DENND2A: variants seen among roughly 807,000 people sequenced by gnomAD.
DENND2A encodes the protein DENN domain-containing protein 2A.
In DENND2A, 53 loss-of-function variants were observed where a neutral mutation model predicts 105.3. The ratio of observed to expected loss-of-function variants is 0.50; its 90% CI spans 0.40 to 0.63. The LOEUF is 0.63. Ranked by LOEUF, DENND2A falls within the 30% of genes least tolerant of loss-of-function variation. The probability of loss-of-function intolerance (pLI) is 0.00; values close to 1 mark genes in which losing one functional copy is unlikely to be tolerated. For synonymous variants in DENND2A, 522 were observed against 508.4 expected (o/e 1.03, Z -0.36); for missense variants, 1,138 against 1,279.6 (o/e 0.89, Z 1.69).
chr7:140,588,189 A>C (rs1369470396), intron 3 of DENND2A, among the ~76,000 whole-genome samples: 4 of 152,030 alleles, frequency 2.6e-5, no homozygotes. Flanking sequence ...GGGATTATAC[A>C]CTGTGCCCGG....
chr7:140,627,182 A>G (rs1431473000), intron 1 of DENND2A, among the ~76,000 whole-genome samples: 1 of 152,140 alleles, frequency 6.6e-6, no homozygotes, highest in Non-Finnish European at 1.5e-5. Flanking sequence ...GCTCTAACAT[A>G]TTATTGTAAA....
chr7:140,630,140 T>A (rs1240777406), intron 1 of DENND2A, among the ~76,000 whole-genome samples: 1 of 151,598 alleles, frequency 6.6e-6, no homozygotes. Flanking sequence ...AGACAGGGTC[T>A]CACTCTGTCA....
chr7:140,585,765 T>C (rs1239517707), intron 4 of DENND2A, 55 bp from the exon 5 acceptor site: 5 of 1,611,554 alleles, frequency 3.1e-6, no homozygotes, highest in African/African-American at 2.7e-5. Context: ...CATTTCCCTT[T>C]TCAAAACACT....
intron 3 of DENND2A, among the ~76,000 whole-genome samples, chr7:140,600,196 C>T (rs756707210): frequency 3.3e-5 from 5 of 151,246 alleles, no homozygotes; most frequent in Non-Finnish European, 7.4e-5. Context: ...GGTTTGGACA[C>T]GTTAAGTATA....
At chr7:140,519,873 T>C (rs935980872) in intron 18 of DENND2A, among the ~76,000 whole-genome samples, 155 bp from the exon 19 acceptor site, 2 of 152,214 alleles carry the variant, frequency 1.3e-5, no homozygotes, top group African/African-American at 4.8e-5. Context: ...ATAAGGATTT[T>C]ATTGCTCTTA....
In DENND2A at chr7:140,601,611, T is replaced by C. The variant is rs1799500379; in HGVS notation, c.787A>G (p.Ile263Val). The change falls in exon 3 of 20, where the codon ATC becomes GTC. Residue 263 changes from isoleucine to valine, a missense_variant. Coordinates refer to ENST00000496613, the MANE Select transcript of DENND2A (RefSeq NM_015689.5). ...GSEGSPTKPF[I>V]NPLPKPRRTF... ...CTCCGGGGTTTTGGCAGAGGGTTGA[T>C]GAAGGGCTTTGTGGGGGAACCCTCC... is the stretch of plus-strand genomic sequence containing the variant. 1 of 1,613,840 alleles carries C rather than the reference T, an allele frequency of 6.2e-7. No homozygotes were observed. Among genetic ancestry groups the C allele is most frequent in the East Asian group, 2.2e-5 (1 of 44,864 alleles).
intron 14 of DENND2A, among the ~76,000 whole-genome samples, chr7:140,531,730 G>C (rs538656228): frequency 1.3e-5 from 2 of 151,586 alleles, no homozygotes; most frequent in African/African-American, 4.9e-5. Flanking sequence ...CAGGAGAATC[G>C]CTTGAACCCA....
chr7:140,620,255 T>G (rs1222080460), intron 1 of DENND2A, among the ~76,000 whole-genome samples: 2 of 146,344 alleles, frequency 1.4e-5, no homozygotes, highest in African/African-American at 5.1e-5. Context: ...AGACTATTAT[T>G]AAATGGAAAA....
chr7:140,546,675 T>C (rs1796922026), intron 13 of DENND2A, 124 bp downstream of exon 13: 1 of 1,267,656 alleles, frequency 7.9e-7, no homozygotes, highest in Non-Finnish European at 1.1e-6. Context: ...GGGCCAGCTC[T>C]AGGGGTGGGG....
At position 140,612,744 on chromosome 7, in the gene DENND2A, C is replaced by T. The variant is rs189872840; in HGVS notation, c.-247-6938G>A. ...CTCGAACTCCTGATCTCAAGTGATC[C>T]GCCCACCTTGGCCTCCCAAAGTACT... On this transcript the variant is annotated intron_variant, in intron 1 of 19. Transcript: ENST00000496613. Among the ~76,000 whole-genome samples, 428 of 152,110 alleles carry T rather than the reference C, an allele frequency of 2.8e-3. 2 individuals are homozygous for T. Among genetic ancestry groups the T allele is most frequent in the African/African-American group, 9.7e-3 (402 of 41,546 alleles).
intron 14 of DENND2A, among the ~76,000 whole-genome samples, chr7:140,535,033 A>G (rs1310571684): frequency 1.3e-5 from 2 of 152,236 alleles, no homozygotes; most frequent in African/African-American, 2.4e-5. Flanking sequence ...CCTGGAGCCA[A>G]CTTTTTAGTT....
At chr7:140,573,657 A>T in intron 6 of DENND2A, 151 bp downstream of exon 6, 2 of 881,312 alleles carry the variant, frequency 2.3e-6, no homozygotes, top group South Asian at 3.5e-5. Flanking sequence ...CGGATATTCC[A>T]GCCTGCTGGC....
rs1038719695 is a variant in DENND2A at position 140,585,788 on chromosome 7, T to C, written c.1124-78A>G. 5 of 1,595,380 alleles carry C rather than the reference T, an allele frequency of 3.1e-6. No homozygotes were observed. The African/African-American group carries it at 6.7e-5, about 21-fold the overall frequency. On this transcript the variant is annotated intron_variant, in intron 4 of 19. Transcript: ENST00000496613. ...TTTTCAAAACACTGAGGTCAGTATCTTGGCCTCTCCTGTGTCCATTCTTGT... is the reference window on the plus strand; with the variant it reads ...TTTTCAAAACACTGAGGTCAGTATCCTGGCCTCTCCTGTGTCCATTCTTGT...
At chr7:140,543,612 T>G (rs1339807376) in intron 14 of DENND2A, 1 of 152,244 alleles carries the variant, frequency 6.6e-6, no homozygotes, top group Non-Finnish European at 1.5e-5. Context: ...TTTTATTTTT[T>G]GAGATGGAGT....
chr7:140,630,792 C>T (rs548892672), intron 1 of DENND2A, among the ~76,000 whole-genome samples: 2 of 152,254 alleles, frequency 1.3e-5, no homozygotes, highest in Admixed American at 6.5e-5. Context: ...ACCTGGGAGG[C>T]GGAGGTTGCA....
intron 1 of DENND2A, among the ~76,000 whole-genome samples, chr7:140,625,085 T>C (rs996471783): frequency 1.3e-5 from 2 of 150,070 alleles, no homozygotes; most frequent in Non-Finnish European, 3.0e-5. Flanking sequence ...CCAGATAACA[T>C]TAGCCATGAG....
intron 1 of DENND2A, among the ~76,000 whole-genome samples, chr7:140,617,808 G>A (rs561253580): frequency 1.3e-5 from 2 of 152,226 alleles, no homozygotes; most frequent in African/African-American, 4.8e-5. Context: ...TCTGTGGCTC[G>A]GGCAGCCTGA....
At position 140,521,970 on chromosome 7, in the gene DENND2A, G is replaced by C; in HGVS notation, c.2796C>G (p.Ala932=). Residue 932 remains alanine, a synonymous_variant, in exon 18 of 20, where the codon GCC becomes GCG. Transcript: ENST00000496613. ...TCTTGGAGGAGACAGCTTTGCGGAA[G>C]GCCTCCCGCTGCAGGGTTCTCTCCT... ...EREERTLQRE[A]FRKAVSSKSL... 6.2e-7 allele frequency: 1 copy of C among 1,614,160 alleles called. No homozygotes were observed. Among genetic ancestry groups the C allele is most frequent in the Non-Finnish European group, 8.5e-7 (1 of 1,180,048 alleles).
At chr7:140,534,439 T>A (rs937363017) in intron 14 of DENND2A, among the ~76,000 whole-genome samples, 5 of 152,130 alleles carry the variant, frequency 3.3e-5, no homozygotes. Flanking sequence ...AAGGTCAAAT[T>A]TTGTGAATAA....
Sources: allele counts gnomAD v4.1 joint callset (sites outside exome capture counted in the v4.1 genomes callset), GRCh38; gene constraint gnomAD v4.1.1; transcripts MANE v1.5; gene names NCBI Gene and HGNC (gene_info 2026-07-23, HGNC 2026-07-21).